Variants in ADAMTS9 observed in about 807,000 individuals in gnomAD.
ADAMTS9 encodes A disintegrin and metalloproteinase with thrombospondin motifs 9.
A neutral mutation model predicts 257.1 loss-of-function variants in ADAMTS9; 107 were observed. The observed-to-expected ratio is 0.42, with a 90% confidence interval of 0.36 to 0.49. The LOEUF is 0.49. ADAMTS9 is among the 20% of genes least tolerant of loss of function. The probability of loss-of-function intolerance (pLI) is 0.03; values close to 1 mark genes in which losing one functional copy is unlikely to be tolerated. For synonymous variants in ADAMTS9, 982 were observed against 880.9 expected (o/e 1.11, Z -2.03); for missense variants, 2,353 against 2,469.1 (o/e 0.95, Z 1.00).
chr3:64,666,179 A>G (rs769850721), intron 3 of ADAMTS9, among the ~76,000 whole-genome samples: 4 of 152,218 alleles, frequency 2.6e-5, no homozygotes, highest in Non-Finnish European at 4.4e-5. Flanking sequence ...ACGTTGCAAT[A>G]CAATAAAATG....
chr3:64,663,149 T>C (rs1021300769), intron 3 of ADAMTS9, among the ~76,000 whole-genome samples: 1 of 152,072 alleles, frequency 6.6e-6, no homozygotes, highest in African/African-American at 2.4e-5. Context: ...ATTCTTTTTC[T>C]CAAGTGATAA....
chr3:64,534,030 T>C (rs889500669), intron 37 of ADAMTS9, among the ~76,000 whole-genome samples: 2 of 152,238 alleles, frequency 1.3e-5, no homozygotes, highest in African/African-American at 4.8e-5. Flanking sequence ...CAAAGGCATC[T>C]GAAATACTTT....
chr3:64,615,970 G>T lies in ADAMTS9; in HGVS notation c.3014C>A (p.Ala1005Asp). 6.2e-7 allele frequency: 1 copy of T among 1,613,028 alleles called. No individual in the cohort carries two copies. Among genetic ancestry groups the T allele is most frequent in the Non-Finnish European group, 8.5e-7 (1 of 1,179,942 alleles). Residue 1005 changes from alanine to aspartate, a missense_variant, in exon 20 of 40, where the codon GCC (alanine) becomes GAC (aspartate). Physicochemically the swap from Ala to Asp is moderately radical, Grantham distance 126. This residue lies in a region of ADAMTS9 where 1,402 missense variants were observed against 1,441.4 expected (regional missense o/e 0.97). Coordinates refer to ENST00000498707, the MANE Select transcript of ADAMTS9 (RefSeq NM_182920.2). ...ECNTGGWRYS[A>D]WTECSKSCDG... ...TGAGAGCCAACTTACTTCAGTCCAG[G>T]CAGAATAGCGCCAGCCACCCGTGTT...
chr3:64,551,481 T>G (rs2083270877), intron 30 of ADAMTS9, among the ~76,000 whole-genome samples: 1 of 152,156 alleles, frequency 6.6e-6, no homozygotes, highest in Non-Finnish European at 1.5e-5. Context: ...AGTGCTGGGA[T>G]TACAGGCGTG....
In ADAMTS9 at chr3:64,604,186, C is replaced by T. The variant is rs759828321; in HGVS notation, c.3579+41G>A. On this transcript the variant is annotated intron_variant, in intron 24 of 39. Transcript: ENST00000498707. ...TATAGCCATGTCTGAGAATGTTAGCCCCCATCCTGCCCTCCCCATTTCTCC... is the reference window on the plus strand; with the variant it reads ...TATAGCCATGTCTGAGAATGTTAGCTCCCATCCTGCCCTCCCCATTTCTCC... The T allele has an allele frequency of 2.5e-6, 4 of 1,599,636 alleles. No homozygotes were observed. In the Admixed American group the frequency reaches 6.7e-5, roughly 27 times the overall value.
At chr3:64,545,497 C>G (rs1404524938) in intron 32 of ADAMTS9, among the ~76,000 whole-genome samples, 1 of 152,090 alleles carries the variant, frequency 6.6e-6, no homozygotes, top group Non-Finnish European at 1.5e-5. Flanking sequence ...TCTCAGCAAA[C>G]TATCACAAGG....
chr3:64,517,917 C>A (rs181192205), intron 39 of ADAMTS9, among the ~76,000 whole-genome samples: 271 of 152,294 alleles, frequency 1.8e-3, no homozygotes, highest in African/African-American at 6.0e-3. Flanking sequence ...CCTCTTCCAA[C>A]TGAAGCTGTC....
rs867085852 is a variant in ADAMTS9 at position 64,655,615 on chromosome 3, G to A, written c.1130C>T (p.Pro377Leu). The change falls in exon 6 of 40, where the codon CCA (proline) becomes CTA (leucine). Residue 377 changes from proline (P) to leucine (L), a missense_variant. Physicochemically the swap from Pro to Leu is moderately conservative, Grantham distance 98. Transcript: ENST00000498707. ...FCQWQHSKNS[P>L]GGIHHDTAVL... ...AGCAGTATCATGATGGATTCCACCT[G>A]GACTGTTCTTCGAATGCTGCCACTG... is the stretch of plus-strand genomic sequence containing the variant. 6.2e-7 allele frequency: 1 copy of A among 1,614,038 alleles called. No individual in the cohort carries two copies. Among genetic ancestry groups the A allele is most frequent in the East Asian group, 2.2e-5 (1 of 44,874 alleles).
intron 23 of ADAMTS9, 93 bp from the exon 24 acceptor site, chr3:64,604,424 G>C (rs992287505): frequency 1.1e-6 from 1 of 901,654 alleles, no homozygotes; most frequent in Non-Finnish European, 1.7e-6. Context: ...TAAAGGCTAA[G>C]AATTCTAAGG....
At chr3:64,569,065 C>T (rs544820343) in intron 28 of ADAMTS9, 14 of 154,958 alleles carry the variant, frequency 9.0e-5, no homozygotes, top group African/African-American at 3.1e-4. Context: ...GAAAGGTAAG[C>T]TAGCAGGTAA....
intron 22 of ADAMTS9, 104 bp downstream of exon 22, chr3:64,613,241 C>T: frequency 7.1e-7 from 1 of 1,405,512 alleles, no homozygotes; most frequent in Non-Finnish European, 9.7e-7. Flanking sequence ...TGCATGCCAC[C>T]CGGCACAGCG....
At chr3:64,580,543 A>T (rs2083972848) in intron 28 of ADAMTS9, among the ~76,000 whole-genome samples, 1 of 152,210 alleles carries the variant, frequency 6.6e-6, no homozygotes, top group East Asian at 1.9e-4. Context: ...CTTTCCTTAC[A>T]AATGTACTAA....
At chr3:64,668,290 T>A (rs1470611114) in intron 3 of ADAMTS9, among the ~76,000 whole-genome samples, 3 of 152,082 alleles carry the variant, frequency 2.0e-5, no homozygotes, top group Non-Finnish European at 2.9e-5. Flanking sequence ...AATAATAGAG[T>A]CTATTGAACC....
chr3:64,653,856 T>C (rs1171105645), intron 8 of ADAMTS9, among the ~76,000 whole-genome samples: 1 of 152,044 alleles, frequency 6.6e-6, no homozygotes, highest in East Asian at 1.9e-4. Context: ...TCATTCTCTT[T>C]CCTGAAAAAA....
chr3:64,635,916 T>C (rs2106905102), intron 12 of ADAMTS9, among the ~76,000 whole-genome samples: 1 of 152,270 alleles, frequency 6.6e-6, no homozygotes, highest in East Asian at 1.9e-4. Flanking sequence ...CAGGTAAAAC[T>C]TGTTTCAAAT....
At chr3:64,555,202 C>T (rs1419104210) in intron 30 of ADAMTS9, among the ~76,000 whole-genome samples, 5 of 152,156 alleles carry the variant, frequency 3.3e-5, no homozygotes, top group South Asian at 2.1e-4. Context: ...GTTTATCTAG[C>T]GTTGCTTTAA....
intron 30 of ADAMTS9, among the ~76,000 whole-genome samples, chr3:64,559,153 G>A (rs73832323): frequency 0.019 from 2,834 of 152,272 alleles, 67 homozygotes; most frequent in African/African-American, 0.064. Context: ...AACAGGAGGC[G>A]TGGCCACCCT....
chr3:64,554,769 T>C (rs1206698734), intron 30 of ADAMTS9, among the ~76,000 whole-genome samples: 1 of 152,166 alleles, frequency 6.6e-6, no homozygotes, highest in Non-Finnish European at 1.5e-5. Context: ...GCAAGCTACA[T>C]GTGCCTTTAA....
At chr3:64,612,396 T>C (rs2084681875) in intron 22 of ADAMTS9, among the ~76,000 whole-genome samples, 2 of 152,190 alleles carry the variant, frequency 1.3e-5, no homozygotes, top group African/African-American at 4.8e-5. Flanking sequence ...ATTAGAAGTA[T>C]AAGTGAACTC....
Sources: gnomAD v4.1 joint callset for allele counts (sites outside exome capture counted in the v4.1 genomes callset) on GRCh38, gnomAD v4.1.1 for gene constraint, gnomAD v4.1.1 regional missense constraint, MANE v1.5 for transcripts, NCBI Gene and HGNC (gene_info 2026-07-23, HGNC 2026-07-21) for gene names.